Variants in PCAT7 observed in about 807,000 individuals in gnomAD.
PCAT7 encodes prostate cancer associated transcript 7, also known as prostate cancer associated transcript 7 (non-protein coding).
intron 2 of PCAT7, chr9:94,568,141 A>AT (rs57947389): frequency 1.3e-5 from 2 of 150,646 alleles, no homozygotes; most frequent in African/African-American, 4.9e-5. Context: ...AAAAAAAAAA[A>AT]TGTGTGGTAC....
chr9:94,559,426 T>G (rs898622381), intron 2 of PCAT7, among the ~76,000 whole-genome samples: 1 of 152,174 alleles, frequency 6.6e-6, no homozygotes, highest in African/African-American at 2.4e-5. Flanking sequence ...CTTGGAAATA[T>G]GAGATCTAGG....
At chr9:94,562,020 TC>T in intron 2 of PCAT7, among the ~76,000 whole-genome samples, 1 of 152,220 alleles carries the variant, frequency 6.6e-6, no homozygotes, top group East Asian at 1.9e-4. Context: ...TCTAAGAATT[TC>T]CATGTCTTCG....
At chr9:94,564,851 A>G (rs1186512062) in intron 2 of PCAT7, among the ~76,000 whole-genome samples, 1 of 152,198 alleles carries the variant, frequency 6.6e-6, no homozygotes, top group East Asian at 1.9e-4. Context: ...CATCATAGGA[A>G]TATGTTATAG....
At chr9:94,563,382 A>T in intron 2 of PCAT7, 1 of 1,614,130 alleles carries the variant, frequency 6.2e-7, no homozygotes. Context: ...GTACAGGAAG[A>T]TTCCTCCATA....
intron 1 of PCAT7, among the ~76,000 whole-genome samples, chr9:94,556,617 C>T (rs7854455): frequency 0.092 from 13,977 of 152,140 alleles, 1,261 homozygotes; most frequent in African/African-American, 0.23. Context: ...GCATAGTTTG[C>T]AAATACTTTC....
chr9:94,557,478 T>G (rs1209182784), intron 1 of PCAT7, among the ~76,000 whole-genome samples: 1 of 152,246 alleles, frequency 6.6e-6, no homozygotes, highest in Non-Finnish European at 1.5e-5. Flanking sequence ...TTTGGTTGTG[T>G]AATAAGATTT....
intron 2 of PCAT7, chr9:94,559,283 T>G: frequency 3.0e-6 from 2 of 666,724 alleles, no homozygotes; most frequent in Non-Finnish European, 5.0e-6. Flanking sequence ...GGCCCGAGCT[T>G]TAGAGCCTAC....
intron 1 of PCAT7, among the ~76,000 whole-genome samples, chr9:94,558,439 C>T (rs568872838): frequency 5.3e-5 from 8 of 152,184 alleles, no homozygotes; most frequent in East Asian, 3.9e-4. Flanking sequence ...GGACTACAGG[C>T]GCCCGCCACC....
chr9:94,564,025 C>G (rs762200245), intron 2 of PCAT7, among the ~76,000 whole-genome samples: 5 of 152,184 alleles, frequency 3.3e-5, no homozygotes, highest in African/African-American at 4.8e-5. Context: ...CTTAGACACC[C>G]CCCCACAATA....
At chr9:94,555,349 G>A (rs565252509) in intron 1 of PCAT7, 6 of 152,106 alleles carry the variant, frequency 3.9e-5, no homozygotes, top group Non-Finnish European at 7.4e-5. Flanking sequence ...GATAGAGGTG[G>A]GTAAAGAGTG....
chr9:94,567,439 G>A (rs766560666), intron 2 of PCAT7: 26 of 1,580,026 alleles, frequency 1.6e-5, no homozygotes, highest in Non-Finnish European at 2.0e-5. Context: ...CCAGGAAGAA[G>A]AGAGAAGCCA....
upstream of PCAT7, among the ~76,000 whole-genome samples, chr9:94,554,858 G>C (rs1247835245): frequency 6.6e-6 from 1 of 152,166 alleles, no homozygotes; most frequent in Admixed American, 6.5e-5. Flanking sequence ...GTACGTAGTA[G>C]CTCCCCACAC....
chr9:94,562,127 T>C (rs376241248), intron 2 of PCAT7, among the ~76,000 whole-genome samples: 110 of 151,848 alleles, frequency 7.2e-4, no homozygotes, highest in South Asian at 2.1e-3. Context: ...CTGGCTAACA[T>C]GGTGAAACCC....
intron 2 of PCAT7, chr9:94,563,226 C>T: frequency 8.4e-7 from 1 of 1,189,798 alleles, no homozygotes; most frequent in African/African-American, 1.5e-5. Flanking sequence ...CCTCCCCTGC[C>T]CATCCCCACA....
chr9:94,567,331 C>T lies in PCAT7; in HGVS notation n.442-5648C>T, dbSNP rs1240631341. On this transcript the variant is annotated intron_variant and non_coding_transcript_variant, in intron 2 of 8. Coordinates refer to ENST00000647389, the Ensembl canonical transcript of PCAT7. Reference sequence around the variant, plus strand: ...GGCCGCATCAAAATACTTGGCATAGCCCTCATTCAGGCTGTAAATCTTTCC... The same window carrying T: ...GGCCGCATCAAAATACTTGGCATAGTCCTCATTCAGGCTGTAAATCTTTCC... The T allele has an allele frequency of 1.9e-6, 3 of 1,614,064 alleles. No homozygotes were observed. In the African/African-American group the frequency reaches 4.0e-5, roughly 22 times the overall value.
At chr9:94,563,476 G>T in intron 2 of PCAT7, 1 of 1,611,232 alleles carries the variant, frequency 6.2e-7, no homozygotes, top group South Asian at 1.1e-5. Flanking sequence ...AAGACAGAAA[G>T]CGAAGAGACA....
intron 2 of PCAT7, among the ~76,000 whole-genome samples, chr9:94,571,853 A>T (rs1335440465): frequency 2.0e-5 from 3 of 152,208 alleles, no homozygotes; most frequent in Non-Finnish European, 4.4e-5. Flanking sequence ...GCCTGACAAG[A>T]AAAGCACTCC....
At chr9:94,561,896 T>G (rs557082543) in intron 2 of PCAT7, among the ~76,000 whole-genome samples, 21 of 152,340 alleles carry the variant, frequency 1.4e-4, no homozygotes, top group Admixed American at 5.2e-4. Flanking sequence ...TTAAGGGACA[T>G]GAGTATGTGA....
intron 2 of PCAT7, among the ~76,000 whole-genome samples, chr9:94,566,632 C>CT (rs1197199895): frequency 1.3e-5 from 2 of 152,210 alleles, no homozygotes; most frequent in East Asian, 3.8e-4. Flanking sequence ...GTGTGTGTGT[C>CT]TTTAATTCCT....
Sources: gnomAD v4.1 joint callset for allele counts (sites outside exome capture counted in the v4.1 genomes callset) on GRCh38, gnomAD v4.1.1 for gene constraint, MANE v1.5 for transcripts, NCBI Gene and HGNC (gene_info 2026-07-23, HGNC 2026-07-21) for gene names.